Variants in CEP83 observed in about 807,000 individuals in gnomAD.
CEP83 encodes centrosomal protein of 83 kDa.
Under a neutral mutation model 101.9 loss-of-function variants are expected in CEP83, and 70 were observed. The observed-to-expected ratio is 0.69, with a 90% CI of 0.57 to 0.84. CEP83 has a LOEUF of 0.84. CEP83 is among the 40% of genes least tolerant of loss of function. The pLI, the probability that CEP83 is intolerant of heterozygous loss-of-function variation, is 0.00. For synonymous variants in CEP83, 264 were observed against 267.9 expected (o/e 0.99, Z 0.14); for missense variants, 715 against 787.2 (o/e 0.91, Z 1.10).
chr12:94,360,473 T>C (rs1461894938), intron 11 of CEP83, among the ~76,000 whole-genome samples: 1 of 151,872 alleles, frequency 6.6e-6, no homozygotes, highest in Non-Finnish European at 1.5e-5. Context: ...TTCTACATAC[T>C]TAAACTAACT....
chr12:94,285,491 G>A, the CEP83 span, among the ~76,000 whole-genome samples: 6 of 152,250 alleles, frequency 3.9e-5, no homozygotes, highest in East Asian at 1.2e-3. Context: ...AACTTGCCCC[G>A]TGCTCACTCT....
At chr12:94,327,566 C>T (rs1169957680) in intron 14 of CEP83, among the ~76,000 whole-genome samples, 3 of 152,162 alleles carry the variant, frequency 2.0e-5, no homozygotes, top group South Asian at 2.1e-4. Flanking sequence ...CATGGATGCA[C>T]TGCCATCATT....
At chr12:94,428,895 C>G (rs567720880) in intron 2 of CEP83, among the ~76,000 whole-genome samples, 24 of 152,212 alleles carry the variant, frequency 1.6e-4, no homozygotes, top group African/African-American at 5.8e-4. Context: ...TTCTAAGTAC[C>G]TTTAATATGC....
intron 2 of CEP83, among the ~76,000 whole-genome samples, chr12:94,423,077 CAT>C (rs1294300975): frequency 6.6e-6 from 1 of 151,938 alleles, no homozygotes; most frequent in Admixed American, 6.6e-5. Context: ...CAACCAAAAA[CAT>C]ATGAGAATTT....
intron 1 of CEP83, among the ~76,000 whole-genome samples, chr12:94,454,441 G>A (rs1032335718): frequency 6.6e-6 from 1 of 152,318 alleles, no homozygotes. Context: ...TCAGCGCTCT[G>A]TGTCTAACTA....
chr12:94,316,647 C>T (rs761822371), intron 14 of CEP83, among the ~76,000 whole-genome samples: 1 of 152,116 alleles, frequency 6.6e-6, no homozygotes, highest in African/African-American at 2.4e-5. Flanking sequence ...TCATTTAGCT[C>T]CCACTTATGA....
chr12:94,351,972 A>G (rs2060218856), intron 11 of CEP83, among the ~76,000 whole-genome samples: 1 of 152,244 alleles, frequency 6.6e-6, no homozygotes, highest in South Asian at 2.1e-4. Context: ...TGGAGACTAC[A>G]TTACTGTACT....
chr12:94,363,518 C>A (rs866679086), intron 11 of CEP83, among the ~76,000 whole-genome samples: 19 of 152,068 alleles, frequency 1.2e-4, no homozygotes, highest in Middle Eastern at 3.4e-3. Flanking sequence ...AAACCAAGGT[C>A]GTAAGGAGAT....
At chr12:94,405,706 A>C (rs1174385561) in intron 4 of CEP83, among the ~76,000 whole-genome samples, 1 of 152,212 alleles carries the variant, frequency 6.6e-6, no homozygotes, top group Admixed American at 6.5e-5. Context: ...GAGAGACACA[A>C]AACATAGAAG....
At chr12:94,438,124 C>A (rs979967030) in intron 1 of CEP83, among the ~76,000 whole-genome samples, 1 of 151,780 alleles carries the variant, frequency 6.6e-6, no homozygotes, top group Non-Finnish European at 1.5e-5. Flanking sequence ...GAGGCAGAGG[C>A]ACGAGAATCG....
At chr12:94,341,571 T>C (rs1055042743) in intron 11 of CEP83, among the ~76,000 whole-genome samples, 11 of 147,560 alleles carry the variant, frequency 7.5e-5, no homozygotes, top group African/African-American at 2.7e-4. Flanking sequence ...GCCATGCAAA[T>C]CGTGTGAATT....
intron 6 of CEP83, among the ~76,000 whole-genome samples, chr12:94,385,136 A>T (rs983589027): frequency 6.6e-6 from 1 of 152,136 alleles, no homozygotes; most frequent in Non-Finnish European, 1.5e-5. Flanking sequence ...TTGATACCCA[A>T]GGTGGGAGGG....
At chr12:94,303,701 T>C (rs1968699205), downstream of CEP83, 1 of 1,158,244 alleles carries the variant, frequency 8.6e-7, no homozygotes, top group African/African-American at 1.6e-5. Context: ...ATCTTTTTTT[T>C]TTTTTTTTTT....
At chr12:94,329,813 A>G (rs976406434) in intron 14 of CEP83, among the ~76,000 whole-genome samples, 5 of 152,256 alleles carry the variant, frequency 3.3e-5, no homozygotes, top group African/African-American at 9.6e-5. Context: ...AAAGTGACAT[A>G]TACAGAAAAA....
At chr12:94,299,561 T>C in the CEP83 span, among the ~76,000 whole-genome samples, 3 of 141,496 alleles carry the variant, frequency 2.1e-5, no homozygotes, top group Non-Finnish European at 4.7e-5. Flanking sequence ...TCCTGTGTTC[T>C]AGCCTCTTTT....
intron 11 of CEP83, among the ~76,000 whole-genome samples, chr12:94,344,946 G>T (rs576045506): frequency 7.2e-5 from 11 of 152,232 alleles, no homozygotes; most frequent in African/African-American, 2.4e-4. Flanking sequence ...AATCAAAATG[G>T]TATGATACTG....
downstream of CEP83, chr12:94,306,146 A>T (rs1359166167): frequency 6.6e-6 from 1 of 151,986 alleles, no homozygotes; most frequent in Non-Finnish European, 1.5e-5. Flanking sequence ...TGGAAGAGTA[A>T]CTCCATTTCT....
chr12:94,381,824 T>C (rs941637435), intron 6 of CEP83, among the ~76,000 whole-genome samples: 2 of 152,132 alleles, frequency 1.3e-5, no homozygotes, highest in Admixed American at 1.3e-4. Flanking sequence ...CTTTTTCAGA[T>C]AATGGCAGGT....
At chr12:94,289,655 T>C in the CEP83 span, among the ~76,000 whole-genome samples, 1 of 152,132 alleles carries the variant, frequency 6.6e-6, no homozygotes, top group African/African-American at 2.4e-5. Flanking sequence ...CCAGGGCACT[T>C]TTCAAAAAGG....
Sources: gnomAD v4.1 joint callset for allele counts (sites outside exome capture counted in the v4.1 genomes callset) on GRCh38, gnomAD v4.1.1 for gene constraint, MANE v1.5 for transcripts, NCBI Gene and HGNC (gene_info 2026-07-23, HGNC 2026-07-21) for gene names.